Variants in GATA1 observed in about 807,000 individuals in gnomAD.
GATA1 encodes GATA binding protein 1.
Under a neutral mutation model 18.9 loss-of-function variants are expected in GATA1, and 2 were observed. The observed-to-expected ratio is 0.11, with a 90% CI of 0.04 to 0.33. The LOEUF (loss-of-function observed/expected upper bound fraction) is 0.33. Ranked by LOEUF, GATA1 falls within the 10% of genes least tolerant of loss-of-function variation. GATA1 has a pLI of 1.00. For missense variants in GATA1, 272 were observed against 344.7 expected, an observed-to-expected ratio of 0.79 and a Z score of 1.67; for synonymous variants, 152 against 149.1, an observed-to-expected ratio of 1.02 and a Z score of -0.14.
At chrX:48,787,572 C>T (rs782444069) in intron 1 of GATA1, among the ~76,000 whole-genome samples, 4 of 111,183 alleles carry the variant, frequency 3.6e-5, no homozygotes, top group African/African-American at 1.3e-4. Context: ...CACTACTTCT[C>T]AACTTTATTT....
rs782676808 is a variant in GATA1, at chrX:48,789,712, G to C, written c.-19-1379G>C. Among the ~76,000 whole-genome samples, 4 of 104,409 alleles carry C rather than the reference G, an allele frequency of 3.8e-5. No individual in the cohort carries two copies. The South Asian group carries it at 1.9e-3, about 49-fold the overall frequency. The allele number at this position is 104,409 out of a possible 115,157, so 90.7% of individuals were successfully genotyped here. A position where few individuals can be genotyped will look rare whatever the true frequency, so the allele number is the denominator to read the frequency against. ...TCAAAAGTTGGGCGGGGAAGGCAGA[G>C]ATAAGCAGTGGGGGGTACTGACCCC... On this transcript the variant is annotated intron_variant, in intron 1 of 5. Transcript: ENST00000376670.
At chrX:48,791,462 G>T in intron 2 of GATA1, 133 bp downstream of exon 2, 3 of 634,155 alleles carry the variant, frequency 4.7e-6, no homozygotes, top group South Asian at 2.4e-5. Context: ...TGGATGTGCC[G>T]ACCACTTTCC....
At chrX:48,787,633 C>G (rs188525830) in intron 1 of GATA1, among the ~76,000 whole-genome samples, 1 of 111,247 alleles carries the variant, frequency 9.0e-6, no homozygotes, top group African/African-American at 3.3e-5. Flanking sequence ...TTTTCACAAC[C>G]TATTCCTGAG....
chrX:48,787,314 C>A (rs192871898), intron 1 of GATA1, among the ~76,000 whole-genome samples: 1 of 111,374 alleles, frequency 9.0e-6, no homozygotes, highest in East Asian at 2.8e-4. Context: ...ATCTGTTCTG[C>A]CGCATGAACC....
At chrX:48,787,352 C>T (rs960404826) in intron 1 of GATA1, among the ~76,000 whole-genome samples, 36 of 111,248 alleles carry the variant, frequency 3.2e-4, no homozygotes, top group Non-Finnish European at 1.7e-4. Context: ...CAAACCGTAT[C>T]TCAGCCCTAA....
chrX:48,793,115 C>T, intron 4 of GATA1, 57 bp from the exon 5 acceptor site: 16 of 1,194,879 alleles, frequency 1.3e-5, no homozygotes, highest in Non-Finnish European at 1.8e-5. Context: ...CCTGTGAGCC[C>T]CTTACCCCCA....
intron 1 of GATA1, among the ~76,000 whole-genome samples, chrX:48,787,106 A>T (rs1329913224): frequency 2.8e-5 from 3 of 108,033 alleles, no homozygotes; most frequent in African/African-American, 1.0e-4. Flanking sequence ...TCTTTGCCCC[A>T]CTCTCTCTGA....
At chrX:48,787,607 C>T (rs1288234294) in intron 1 of GATA1, among the ~76,000 whole-genome samples, 2 of 111,069 alleles carry the variant, frequency 1.8e-5, no homozygotes, top group Non-Finnish European at 3.8e-5. Flanking sequence ...TCGCCCCGAT[C>T]CCCCAACCTC....
intron 2 of GATA1, 147 bp from the exon 3 acceptor site, chrX:48,791,697 A>G: frequency 1.5e-6 from 1 of 669,650 alleles, no homozygotes. Context: ...GAAGCATCCA[A>G]TGGCCAGCAG....
chrX:48,789,651 C>T (rs1427713473), intron 1 of GATA1, among the ~76,000 whole-genome samples: 1 of 110,964 alleles, frequency 9.0e-6, no homozygotes, highest in Non-Finnish European at 1.9e-5. Context: ...CCACCTGCCA[C>T]CCTCTTCAGA....
chrX:48,793,463 C>T (rs1569499663), intron 5 of GATA1, among the ~76,000 whole-genome samples, 166 bp downstream of exon 5: 1 of 88,882 alleles, frequency 1.1e-5, no homozygotes, highest in Non-Finnish European at 2.2e-5. Flanking sequence ...TTTCCCCCTT[C>T]CTCCATCTCT....
At position 48,794,090 on chromosome X, in the gene GATA1, C is replaced by T. The variant is rs372777182; in HGVS notation, c.1168C>T (p.Pro390Ser). 4 of 1,199,958 alleles carry T rather than the reference C, an allele frequency of 3.3e-6. No homozygotes were observed. The highest frequency in any genetic ancestry group is 4.5e-6 in the Non-Finnish European group (4 of 889,584). ...TTTCCCTGGACCCCTACTGGGCTCA[C>T]CCACGGGCTCCTTCCCCACAGGCCC... ...MPFPGPLLGSPTGSFPTGPMP... is the reference protein window; with the variant it reads ...MPFPGPLLGSSTGSFPTGPMP... The change falls in exon 6 of 6, where the codon CCC becomes TCC. Residue 390 changes from proline to serine, a missense_variant. By Grantham distance (74) the Pro-to-Ser change is moderately conservative. Transcript: ENST00000376670.
At chrX:48,789,739 C>G (rs1247742971) in intron 1 of GATA1, among the ~76,000 whole-genome samples, 1 of 110,915 alleles carries the variant, frequency 9.0e-6, no homozygotes, top group Non-Finnish European at 1.9e-5. Context: ...ACTGACCCCC[C>G]CCCAACCAAG....
Position 48,792,261 on chromosome X carries a change from G to C in GATA1, c.598+40G>C, listed in dbSNP as rs377057415. The C allele has an allele frequency of 3.3e-6, 4 of 1,209,785 alleles. No individual in the cohort carries two copies. The African/African-American group carries it at 7.0e-5, about 21-fold the overall frequency. On this transcript the variant is annotated intron_variant, in intron 3 of 5. Transcript: ENST00000376670. ...AAAGGACAGGGAAGTTGAGGTGGGAGGGGTGGCCCAAAGTAAAGCTGAGCT... is the reference window on the plus strand; with the variant it reads ...AAAGGACAGGGAAGTTGAGGTGGGACGGGTGGCCCAAAGTAAAGCTGAGCT...
At position 48,793,272 on chromosome X, in the gene GATA1, G is replaced by A; in HGVS notation, c.845G>A (p.Cys282Tyr). 8.3e-7 allele frequency: 1 copy of A among 1,210,064 alleles called. No individual in the cohort carries two copies. Residue 282 changes from cysteine (C) to tyrosine (Y), a missense_variant, in exon 5 of 6, where the codon TGC (cysteine) becomes TAC (tyrosine). By Grantham distance (194) the Cys-to-Tyr change is radical. Around this residue, in one of 3 missense-constraint regions of GATA1, gnomAD observed 42 missense variants for 103.2 expected, o/e 0.41. Transcript: ENST00000376670. ...AGTGGGGATCCCGTGTGCAATGCCT[G>A]CGGCCTCTACTACAAGCTACACCAG... ...NASGDPVCNA[C>Y]GLYYKLHQVN...
rs2062673441 is a variant in GATA1 at position 48,791,146 on chromosome X, G to A, written c.37G>A (p.Glu13Lys). Residue 13 changes from glutamate (E) to lysine (K), a missense_variant, in exon 2 of 6, where the codon GAG becomes AAG. Around this residue, in one of 3 missense-constraint regions of GATA1, gnomAD observed 147 missense variants for 157.4 expected, o/e 0.93. Transcript: ENST00000376670. The stretch of plus-strand genomic sequence containing the variant: ...TGGCCTGGGGTCCCTGGGGACCTCA[G>A]AGCCCCTCCCCCAGTTTGTGGATCC... Reference protein sequence around the residue: ...FPGLGSLGTSEPLPQFVDPAL... With the variant: ...FPGLGSLGTSKPLPQFVDPAL... 1 of 1,207,743 alleles carries A rather than the reference G, an allele frequency of 8.3e-7. No homozygotes were observed. The highest frequency in any genetic ancestry group is 1.7e-5 in the African/African-American group (1 of 57,156).
At chrX:48,792,264 G>A in intron 3 of GATA1, 43 bp downstream of exon 3, 3 of 1,211,756 alleles carry the variant, frequency 2.5e-6, no homozygotes, top group Non-Finnish European at 3.4e-6. Flanking sequence ...GGTGGGAGGG[G>A]TGGCCCAAAG....
Position 48,791,212 on chromosome X carries a change from C to G in GATA1, c.103C>G (p.Pro35Ala). 3.3e-6 allele frequency: 4 copies of G among 1,205,599 alleles called. No homozygotes were observed. Among genetic ancestry groups the G allele is most frequent in the Non-Finnish European group, 4.5e-6 (4 of 892,292 alleles). Reference protein sequence around the residue: ...SSTPESGVFFPSGPEGLDAAA... With the variant: ...SSTPESGVFFASGPEGLDAAA... ...CACACCAGAATCAGGGGTTTTCTTC[C>G]CCTCTGGGCCTGAGGGCTTGGATGC... is the stretch of plus-strand genomic sequence containing the variant. The change falls in exon 2 of 6, where the codon CCC becomes GCC. Residue 35 changes from proline (P) to alanine (A), a missense_variant. By Grantham distance (27) the Pro-to-Ala change is conservative. Around this residue, in one of 3 missense-constraint regions of GATA1, gnomAD observed 147 missense variants for 157.4 expected, o/e 0.93. Transcript: ENST00000376670.
In GATA1 at chrX:48,793,924, T is replaced by C. The variant is rs782085777; in HGVS notation, c.1002T>C (p.Phe334=). Reference sequence around the variant, plus strand: ...CAGCCGAAGGACCAGCTGGTGGCTTTATGGTGGTGGCTGGGGGCAGCGGTA... The same window carrying C: ...CAGCCGAAGGACCAGCTGGTGGCTTCATGGTGGTGGCTGGGGGCAGCGGTA... ...TGAAEGPAGG[F]MVVAGGSGSG... The change falls in exon 6 of 6, where the codon TTT becomes TTC. Residue 334 remains phenylalanine (F), a synonymous_variant. Coordinates refer to ENST00000376670, the MANE Select transcript of GATA1 (RefSeq NM_002049.4). 29 of 1,204,823 alleles carry C rather than the reference T, an allele frequency of 2.4e-5. No individual in the cohort carries two copies. Among genetic ancestry groups the C allele is most frequent in the Non-Finnish European group, 1.1e-6 (1 of 892,027 alleles).
Sources: allele counts gnomAD v4.1 joint callset (sites outside exome capture counted in the v4.1 genomes callset), GRCh38; gene constraint gnomAD v4.1.1; regional missense constraint gnomAD v4.1.1; transcripts MANE v1.5; gene names NCBI Gene and HGNC (gene_info 2026-07-23, HGNC 2026-07-21).